Variants in TCF7L1 observed in about 807,000 individuals in gnomAD.
TCF7L1 encodes transcription factor 7-like 1.
TCF7L1 carries 18 observed loss-of-function variants against 63.7 expected under a neutral mutation model. The observed-to-expected ratio is 0.28, with a 90% CI of 0.20 to 0.42. TCF7L1 has a LOEUF of 0.42. Ranked by LOEUF, TCF7L1 falls within the 10% of genes least tolerant of loss-of-function variation. The probability of loss-of-function intolerance (pLI) is 1.00; values close to 1 mark genes in which losing one functional copy is unlikely to be tolerated. For synonymous variants in TCF7L1, 355 were observed against 340.9 expected (o/e 1.04, Z -0.46); for missense variants, 654 against 779.3 (o/e 0.84, Z 1.91).
At position 85,275,665 on chromosome 2, in the gene TCF7L1, G is replaced by T. The variant is rs534607031; in HGVS notation, c.442-7830G>T. ...AGGTGCGGTGGCTCACCCCTGTAAT[G>T]CCAGCAGAATTGGGAGGTGAAGGCG... On this transcript the variant is annotated intron_variant, in intron 3 of 11. Coordinates refer to ENST00000282111, the MANE Select transcript of TCF7L1 (RefSeq NM_031283.3). Among the ~76,000 whole-genome samples, 140 of 152,168 alleles carry T rather than the reference G, an allele frequency of 9.2e-4. 1 individual carries two copies. Among genetic ancestry groups the T allele is most frequent in the African/African-American group, 3.3e-3 (136 of 41,526 alleles).
intron 3 of TCF7L1, among the ~76,000 whole-genome samples, chr2:85,277,814 G>A (rs1215072526): frequency 6.6e-6 from 1 of 152,204 alleles, no homozygotes; most frequent in Non-Finnish European, 1.5e-5. Flanking sequence ...TGTTGCCCAG[G>A]CCCTGCTTAA....
At chr2:85,282,795 TGTG>T (rs1681448918) in intron 3 of TCF7L1, among the ~76,000 whole-genome samples, 1 of 9,028 alleles carries the variant, frequency 1.1e-4, no homozygotes, top group African/African-American at 3.2e-4. Context: ...AGAGAGAGAT[TGTG>T]TGTGTGTGTG....
chr2:85,176,454 T>C (rs1333928780), intron 3 of TCF7L1, among the ~76,000 whole-genome samples: 7 of 152,202 alleles, frequency 4.6e-5, no homozygotes, highest in East Asian at 3.8e-4. Context: ...TTCTCCCTTA[T>C]ATTTAGCTGT....
chr2:85,249,309 G>C (rs576627933), intron 3 of TCF7L1, among the ~76,000 whole-genome samples: 45 of 152,300 alleles, frequency 3.0e-4, no homozygotes, highest in African/African-American at 9.9e-4. Context: ...TGTGGGCCCC[G>C]ATTCTCGTGC....
intron 3 of TCF7L1, among the ~76,000 whole-genome samples, chr2:85,137,874 C>T (rs1208582510): frequency 3.0e-5 from 4 of 132,270 alleles, no homozygotes; most frequent in Non-Finnish European, 4.7e-5. Flanking sequence ...GTCTGGGCAA[C>T]AGAGTGAGAC....
At chr2:85,184,751 C>T (rs1572981167) in intron 3 of TCF7L1, among the ~76,000 whole-genome samples, 2 of 152,292 alleles carry the variant, frequency 1.3e-5, no homozygotes, top group Admixed American at 1.3e-4. Context: ...GCTGATGTTC[C>T]CTGCCCTTGG....
intron 3 of TCF7L1, among the ~76,000 whole-genome samples, chr2:85,278,197 C>T (rs1441721352): frequency 6.6e-6 from 1 of 152,224 alleles, no homozygotes. Flanking sequence ...CAGAGGGACC[C>T]TTCCCGAGAT....
At position 85,309,145 on chromosome 2, in the gene TCF7L1, G is replaced by A. The variant is rs1217043921; in HGVS notation, c.1450G>A (p.Ala484Thr). Reference sequence around the variant, plus strand: ...GCTGGACTCCCCGGCCACTCCCTCTGCAGCTTTGGCCTCACCAGCTGCCCC... The same window carrying A: ...GCTGGACTCCCCGGCCACTCCCTCTACAGCTTTGGCCTCACCAGCTGCCCC... ...SMLDSPATPS[A>T]ALASPAAPAA... Residue 484 changes from alanine to threonine, a missense_variant, in exon 12 of 12, where the codon GCA becomes ACA. Ala to Thr is a moderately conservative substitution (Grantham distance 58). Around this residue, in one of 3 missense-constraint regions of TCF7L1, gnomAD observed 184 missense variants for 204.0 expected, o/e 0.90. Transcript: ENST00000282111. 6.2e-7 allele frequency: 1 copy of A among 1,612,194 alleles called. No homozygotes were observed. Among genetic ancestry groups the A allele is most frequent in the African/African-American group, 1.3e-5 (1 of 74,196 alleles).
chr2:85,307,783 T>C, intron 11 of TCF7L1, 66 bp downstream of exon 11: 1 of 1,434,382 alleles, frequency 7.0e-7, no homozygotes. Context: ...CTGCCCATGC[T>C]GTCTCTAGCT....
intron 3 of TCF7L1, among the ~76,000 whole-genome samples, chr2:85,153,826 G>A (rs758204876): frequency 3.9e-5 from 6 of 152,136 alleles, no homozygotes; most frequent in Non-Finnish European, 7.3e-5. Flanking sequence ...CTGCATATGT[G>A]TGAATATCTG....
chr2:85,187,464 T>G (rs929215183), intron 3 of TCF7L1, among the ~76,000 whole-genome samples: 1 of 152,234 alleles, frequency 6.6e-6, no homozygotes, highest in Admixed American at 6.5e-5. Context: ...TGTTTTACAT[T>G]GAAGTCTTAA....
At chr2:85,218,555 G>T (rs1482544509) in intron 3 of TCF7L1, among the ~76,000 whole-genome samples, 2 of 151,526 alleles carry the variant, frequency 1.3e-5, no homozygotes, top group South Asian at 4.2e-4. Context: ...CACGCCCAGC[G>T]TTATCTGACT....
chr2:85,221,989 G>A (rs770379991), intron 3 of TCF7L1, among the ~76,000 whole-genome samples: 1 of 151,144 alleles, frequency 6.6e-6, no homozygotes. Flanking sequence ...TAATACAGGA[G>A]GCGTGGGCAG....
In TCF7L1 at chr2:85,302,510, C is replaced by G; in HGVS notation, c.552C>G (p.His184Gln). 3 of 1,614,168 alleles carry G rather than the reference C, an allele frequency of 1.9e-6. No homozygotes were observed. Among genetic ancestry groups the G allele is most frequent in the Non-Finnish European group, 2.5e-6 (3 of 1,180,042 alleles). Reference protein sequence around the residue: ...HLSNKVPVVQHPHHMHPLTPL... With the variant: ...HLSNKVPVVQQPHHMHPLTPL... ...CTAATAAAGTTCCTGTCGTTCAGCA[C>G]CCGCATCACATGCATCCGCTGACTC... Residue 184 changes from histidine (H) to glutamine (Q), a missense_variant, in exon 5 of 12, where the codon CAC becomes CAG. Transcript: ENST00000282111.
intron 4 of TCF7L1, among the ~76,000 whole-genome samples, chr2:85,299,206 T>C (rs1203279529): frequency 6.6e-6 from 1 of 151,988 alleles, no homozygotes; most frequent in Non-Finnish European, 1.5e-5. Flanking sequence ...GCTAATACTA[T>C]CACCAGTTTT....
chr2:85,277,514 A>G (rs956725401), intron 3 of TCF7L1, among the ~76,000 whole-genome samples: 1 of 152,084 alleles, frequency 6.6e-6, no homozygotes, highest in African/African-American at 2.4e-5. Context: ...TCCTGGCTCT[A>G]GGTCCCCAAA....
intron 3 of TCF7L1, among the ~76,000 whole-genome samples, chr2:85,264,091 G>A (rs1376381651): frequency 2.0e-5 from 3 of 152,104 alleles, no homozygotes; most frequent in African/African-American, 4.8e-5. Flanking sequence ...AGGGAGAGAC[G>A]GCCTCAGCAC....
At chr2:85,294,025 G>GTTTTTTTTTTTT (rs1558658876) in intron 4 of TCF7L1, among the ~76,000 whole-genome samples, 1 of 70,562 alleles carries the variant, frequency 1.4e-5, no homozygotes, top group Non-Finnish European at 2.4e-5. Context: ...TGAACACTGG[G>GTTTTTTTTTTTT]ATTTTTTTTT....
intron 3 of TCF7L1, among the ~76,000 whole-genome samples, chr2:85,138,703 G>C (rs984002496): frequency 6.6e-6 from 1 of 152,098 alleles, no homozygotes; most frequent in Non-Finnish European, 1.5e-5. Flanking sequence ...GACTTGATTT[G>C]TTATAAGTTT....
Sources: gnomAD v4.1 joint callset for allele counts (sites outside exome capture counted in the v4.1 genomes callset) on GRCh38, gnomAD v4.1.1 for gene constraint, gnomAD v4.1.1 regional missense constraint, MANE v1.5 for transcripts, NCBI Gene and HGNC (gene_info 2026-07-23, HGNC 2026-07-21) for gene names.